NCAPH: variants seen among roughly 807,000 people sequenced by gnomAD.
The protein encoded by NCAPH is non-SMC condensin I complex subunit H.
Under a neutral mutation model 85.5 loss-of-function variants are expected in NCAPH, and 38 were observed. The ratio of observed to expected loss-of-function variants is 0.44; its 90% CI spans 0.34 to 0.58. NCAPH has a LOEUF of 0.58. Ranked by LOEUF, NCAPH falls within the 20% of genes least tolerant of loss-of-function variation. The probability of loss-of-function intolerance (pLI) is 0.01; values close to 1 mark genes in which losing one functional copy is unlikely to be tolerated. For synonymous variants in NCAPH, 301 were observed against 335.1 expected (o/e 0.90, Z 1.11); for missense variants, 789 against 916.6 (o/e 0.86, Z 1.80).
At chr2:96,342,282 A>T in intron 3 of NCAPH, 142 bp downstream of exon 3, 1 of 815,348 alleles carries the variant, frequency 1.2e-6, no homozygotes, top group Non-Finnish European at 2.0e-6. Flanking sequence ...TTTACTGTTT[A>T]CTCTGGACCC....
Position 96,351,917 on chromosome 2 carries a change from C to T in NCAPH, c.807C>T (p.Asp269=). The change falls in exon 7 of 18, where the codon GAC becomes GAT. Residue 269 remains aspartate, a synonymous_variant. Transcript: ENST00000240423. ...TTCTGTCCACTCTCCACTGCCAGGA[C>T]TACAGAAGTGAACTGCTGTTTCCCT... ...GVFLSTLHCQ[D]YRSELLFPSD... 6.2e-7 allele frequency: 1 copy of T among 1,614,076 alleles called. No homozygotes were observed. The highest frequency in any genetic ancestry group is 8.5e-7 in the Non-Finnish European group (1 of 1,179,930).
At position 96,374,787 on chromosome 2, in the gene NCAPH, T is replaced by G. The variant is rs2064814666; in HGVS notation, c.*1436T>G. Among the ~76,000 whole-genome samples, 1 of 152,162 alleles carries G rather than the reference T, an allele frequency of 6.6e-6. No homozygotes were observed. Among genetic ancestry groups the G allele is most frequent in the African/African-American group, 2.4e-5 (1 of 41,444 alleles). ...CCTCCATCACTTTCCCAGGCCAGGT[T>G]AGTGCTGGGCTTCTTGCTTTCCTTC... On this transcript the variant is annotated 3_prime_UTR_variant, in exon 18 of 18. Transcript: ENST00000240423.
chr2:96,362,789 G>C (rs969746244), intron 12 of NCAPH, among the ~76,000 whole-genome samples: 7 of 152,192 alleles, frequency 4.6e-5, no homozygotes, highest in Non-Finnish European at 1.0e-4. Context: ...TCCTATGGAT[G>C]AGCAAAGAAC....
intron 12 of NCAPH, among the ~76,000 whole-genome samples, chr2:96,362,232 C>CA (rs200068927): frequency 9.2e-5 from 13 of 141,928 alleles, no homozygotes; most frequent in African/African-American, 1.3e-4. Context: ...AAAAGCAAAA[C>CA]AAAAAAAAAA....
At chr2:96,357,867 C>T (rs1352480290) in intron 9 of NCAPH, among the ~76,000 whole-genome samples, 2 of 152,082 alleles carry the variant, frequency 1.3e-5, no homozygotes, top group Non-Finnish European at 2.9e-5. Flanking sequence ...AATACAAGGC[C>T]ACTCTTCTGA....
At chr2:96,368,087 C>G (rs569521710) in intron 15 of NCAPH, among the ~76,000 whole-genome samples, 1 of 152,200 alleles carries the variant, frequency 6.6e-6, no homozygotes, top group Non-Finnish European at 1.5e-5. Flanking sequence ...GAAAGGAAGT[C>G]TCAGTTAATT....
rs1377230328 is a variant in NCAPH at position 96,374,172 on chromosome 2, C to G, written c.*821C>G. ...CATGTTGGAGGAGGAAACGGACACC[C>G]AAGGTAGAGGAACTTGCAAAAGGGC... is the stretch of plus-strand genomic sequence containing the variant. On this transcript the variant is annotated 3_prime_UTR_variant, in exon 18 of 18. Transcript: ENST00000240423. Among the ~76,000 whole-genome samples, 3 of 152,188 alleles carry G rather than the reference C, an allele frequency of 2.0e-5. No individual in the cohort carries two copies. Among genetic ancestry groups the G allele is most frequent in the African/African-American group, 7.2e-5 (3 of 41,444 alleles).
chr2:96,371,644 T>C (rs903007464), intron 17 of NCAPH, among the ~76,000 whole-genome samples: 1 of 152,176 alleles, frequency 6.6e-6, no homozygotes, highest in African/African-American at 2.4e-5. Flanking sequence ...GGTGGGTGGC[T>C]ACAGCCCATG....
At chr2:96,354,522 C>A in intron 9 of NCAPH, 134 bp downstream of exon 9, 1 of 739,332 alleles carries the variant, frequency 1.4e-6, no homozygotes, top group Non-Finnish European at 2.0e-6. Flanking sequence ...GGGCATCTCA[C>A]TGCATTGCCC....
At chr2:96,342,700 A>G (rs1309604772) in intron 3 of NCAPH, 56 bp from the exon 4 acceptor site, 2 of 1,379,560 alleles carry the variant, frequency 1.4e-6, no homozygotes, top group Non-Finnish European at 2.1e-6. Context: ...AAGCAGCATT[A>G]TTTACATGAG....
chr2:96,361,769 CATATATATATATACACA>C, intron 12 of NCAPH, among the ~76,000 whole-genome samples: 1 of 114,962 alleles, frequency 8.7e-6, no homozygotes, highest in Admixed American at 9.9e-5. Flanking sequence ...TATATATATA[CATATATATATATACACA>C]TATATATGTA....
At position 96,376,797 on chromosome 2, in the gene NCAPH, G is replaced by GT. The variant is rs1193318205; in HGVS notation, c.*3452dup. On this transcript the variant is annotated 3_prime_UTR_variant, in exon 18 of 18. Coordinates refer to ENST00000240423, the MANE Select transcript of NCAPH (RefSeq NM_015341.5). Reference sequence around the variant, plus strand: ...TCTCAGTTTTGGTTCATTTAAAAATGTTTTTTGGGGGAATTGGGGATCATT... The same window carrying GT: ...TCTCAGTTTTGGTTCATTTAAAAATGTTTTTTTGGGGGAATTGGGGATCATT... 1.3e-5 allele frequency among the ~76,000 whole-genome samples: 2 copies of GT among 151,968 alleles called. No homozygotes were observed. The highest frequency in any genetic ancestry group is 2.9e-5 in the Non-Finnish European group (2 of 68,008).
chr2:96,341,957 A>G (rs548514780), intron 2 of NCAPH, 63 bp downstream of exon 2: 125 of 1,605,368 alleles, frequency 7.8e-5, no homozygotes, highest in South Asian at 2.9e-4. Flanking sequence ...GCGTAGGTCC[A>G]GGCATCTCCA....
Position 96,354,490 on chromosome 2 carries a change from T to C in NCAPH, c.1208+102T>C, listed in dbSNP as rs573276906. 1.3e-4 allele frequency: 143 copies of C among 1,059,320 alleles called. No individual in the cohort carries two copies. In the African/African-American group the frequency reaches 2.2e-3, roughly 16 times the overall value. The allele number at this position is 1,059,320 out of a possible 1,614,324, so 65.6% of individuals were successfully genotyped here. A position where few individuals can be genotyped will look rare whatever the true frequency, so the allele number is the denominator to read the frequency against. ...TTAAAAAATTTTTCTTTCTTTTTTTTTCCCCCCCCAAAAATAGAGACGGGC... is the reference window on the plus strand; with the variant it reads ...TTAAAAAATTTTTCTTTCTTTTTTTCTCCCCCCCCAAAAATAGAGACGGGC... On this transcript the variant is annotated intron_variant, in intron 9 of 17. Coordinates refer to ENST00000240423, the MANE Select transcript of NCAPH (RefSeq NM_015341.5).
At chr2:96,361,828 A>ATAT (rs1457258768) in intron 12 of NCAPH, among the ~76,000 whole-genome samples, 16 of 108,022 alleles carry the variant, frequency 1.5e-4, no homozygotes, top group African/African-American at 5.9e-4. Flanking sequence ...ATATATATAT[A>ATAT]TTTTTTTTTT....
Position 96,365,921 on chromosome 2 carries a change from C to T in NCAPH, c.1744C>T (p.Pro582Ser), listed in dbSNP as rs145258022. The T allele has an allele frequency of 4.3e-6, 7 of 1,614,172 alleles. No individual in the cohort carries two copies. The South Asian group carries it at 6.6e-5, about 15-fold the overall frequency. The change falls in exon 14 of 18, where the codon CCT becomes TCT. Residue 582 changes from proline to serine, a missense_variant. Coordinates refer to ENST00000240423, the MANE Select transcript of NCAPH (RefSeq NM_015341.5). ...DEDLDDLFVGPVGNSDLSPYP... is the reference protein window; with the variant it reads ...DEDLDDLFVGSVGNSDLSPYP... ...AGATTTGGATGACTTATTTGTGGGA[C>T]CTGTTGGGAACTCTGACCTCTCACC...
At chr2:96,365,784 C>A in intron 13 of NCAPH, 92 bp from the exon 14 acceptor site, 1 of 1,305,212 alleles carries the variant, frequency 7.7e-7, no homozygotes. Flanking sequence ...CAGATGGTCT[C>A]TTCTTGCTTT....
At chr2:96,344,043 A>G in intron 5 of NCAPH, 62 bp from the exon 6 acceptor site, 2 of 1,556,488 alleles carry the variant, frequency 1.3e-6, no homozygotes, top group Non-Finnish European at 1.7e-6. Context: ...AACTTGAGTT[A>G]GTAAGTTCAT....
chr2:96,349,726 G>A (rs180913605), intron 6 of NCAPH, among the ~76,000 whole-genome samples: 2 of 152,260 alleles, frequency 1.3e-5, no homozygotes, highest in Non-Finnish European at 2.9e-5. Context: ...CCAGTTGAGA[G>A]CACTTCTTTA....
Sources: allele counts gnomAD v4.1 joint callset (sites outside exome capture counted in the v4.1 genomes callset), GRCh38; gene constraint gnomAD v4.1.1; transcripts MANE v1.5; gene names NCBI Gene and HGNC (gene_info 2026-07-23, HGNC 2026-07-21).